The following TULP2 variants were observed in gnomAD, a reference collection of about 807,000 sequenced individuals.
The protein encoded by TULP2 is TUB like protein 2.
A neutral mutation model predicts 60.3 loss-of-function variants in TULP2; 64 were observed. The ratio of observed to expected loss-of-function variants is 1.06; its 90% confidence interval spans 0.87 to 1.31. TULP2 has a LOEUF of 1.31. Ranked by LOEUF, TULP2 falls within the 50% of genes most tolerant of loss-of-function variation. The pLI is 0.00. For synonymous variants in TULP2, 267 were observed against 265.4 expected (o/e 1.01, Z -0.06); for missense variants, 652 against 667.0 (o/e 0.98, Z 0.25).
At chr19:48,890,380 T>C (rs1319318681) in intron 6 of TULP2, among the ~76,000 whole-genome samples, 1 of 152,108 alleles carries the variant, frequency 6.6e-6, no homozygotes, top group Non-Finnish European at 1.5e-5. Context: ...CACTATTGTC[T>C]TGTGACCCTG....
rs538703838 is a variant in TULP2 at position 48,887,168 on chromosome 19, C to T, written c.948+782G>A. 1.0e-3 allele frequency among the ~76,000 whole-genome samples: 157 copies of T among 151,448 alleles called. 1 individual carries two copies. Among genetic ancestry groups the T allele is most frequent in the Non-Finnish European group, 4.0e-4 (27 of 67,844 alleles). ...CTGGGATTACAGGCGCCCACAACCACGCCTGGCTAACTTTTGTATTTTTTA... is the reference window on the plus strand; with the variant it reads ...CTGGGATTACAGGCGCCCACAACCATGCCTGGCTAACTTTTGTATTTTTTA... On this transcript the variant is annotated intron_variant, in intron 8 of 12. Coordinates refer to ENST00000221399, the MANE Select transcript of TULP2 (RefSeq NM_003323.3).
chr19:48,889,526 T>C lies in TULP2; in HGVS notation c.620A>G (p.Asn207Ser). The change falls in exon 7 of 13, where the codon AAC (asparagine) becomes AGC (serine). Residue 207 changes from asparagine to serine, a missense_variant. By Grantham distance (46) the Asn-to-Ser change is conservative. Transcript: ENST00000221399. ...TTTTCCTACCTTTTGGAAGGCCAAG[T>C]TTTCATATACACAGTCACCATCCAT... ...PGMDGDCVYE[N>S]LAFQKEEDLE... The C allele has an allele frequency of 6.4e-7, 1 of 1,572,500 alleles. No homozygotes were observed.
In TULP2 at chr19:48,882,222, G is replaced by A. The variant is rs79673670; in HGVS notation, c.1276-19C>T. The A allele has an allele frequency of 7.3e-4, 1,184 of 1,613,680 alleles. 9 individuals are homozygous for A. The African/African-American group carries it at 0.011, about 14-fold the overall frequency. ...CCTGTTCCTAGAAGGTAAAGAAGGG[G>A]CTGTGGTTTTCTCAGAGGCTTTCGA... On this transcript the variant is annotated intron_variant, in intron 11 of 12. Transcript: ENST00000221399.
chr19:48,881,890 A>G, intron 12 of TULP2, 142 bp downstream of exon 12: 1 of 1,095,346 alleles, frequency 9.1e-7, no homozygotes, highest in Non-Finnish European at 1.3e-6. Flanking sequence ...GTAAACTACA[A>G]TTCCCAATAG....
rs771046112 is a variant in TULP2, at chr19:48,883,912, C to T, written c.1176+20G>A. ...TCTTCTGACTATCCTACCCCATTCT[C>T]TCATCCCCAGGACACTCACATAACA... On this transcript the variant is annotated intron_variant, in intron 10 of 12. Transcript: ENST00000221399. 6.2e-7 allele frequency: 1 copy of T among 1,613,940 alleles called. No individual in the cohort carries two copies.
In TULP2 at chr19:48,897,977, T is replaced by G. The variant is rs1017938622; in HGVS notation, c.-1-108A>C. The G allele has an allele frequency of 4.0e-5, 35 of 867,260 alleles. 1 individual carries two copies. The highest frequency in any genetic ancestry group is 1.3e-4 in the South Asian group (4 of 29,874). The allele number at this position is 867,260 out of a possible 1,614,324, so 53.7% of individuals were successfully genotyped here. ...TTTATTTATTTATTTATTTATTTAT[T>G]TATGTATTTAGAGACAGCTGAGCCT... On this transcript the variant is annotated intron_variant, in intron 1 of 12. Coordinates refer to ENST00000221399, the MANE Select transcript of TULP2 (RefSeq NM_003323.3). This position sits in a 1 kb window ranked among gnomAD's most constrained non-coding sequence, Gnocchi z 4.0.
chr19:48,887,533 A>T (rs1178015137), intron 8 of TULP2, among the ~76,000 whole-genome samples: 1 of 150,970 alleles, frequency 6.6e-6, no homozygotes, highest in Non-Finnish European at 1.5e-5. Context: ...CATGTTGTTC[A>T]GGCTGGTCTT....
chr19:48,896,245 C>G (rs984165481), intron 4 of TULP2, among the ~76,000 whole-genome samples, 185 bp downstream of exon 4: 2 of 152,114 alleles, frequency 1.3e-5, no homozygotes, highest in African/African-American at 4.8e-5. Context: ...CCGCGGGGGG[C>G]CCCCACAAGC....
intron 6 of TULP2, among the ~76,000 whole-genome samples, 181 bp from the exon 7 acceptor site, chr19:48,889,812 T>C (rs899825574): frequency 5.9e-5 from 9 of 152,118 alleles, no homozygotes; most frequent in Admixed American, 2.6e-4. Context: ...CCACTCAGGG[T>C]TAAATGGATT....
intron 7 of TULP2, among the ~76,000 whole-genome samples, chr19:48,888,990 A>ATTT (rs1207924162): frequency 1.7e-5 from 2 of 118,596 alleles, no homozygotes; most frequent in Admixed American, 9.0e-5. Context: ...GGCTGCACCT[A>ATTT]TTTTTTTTTT....
In TULP2 at chr19:48,894,978, C is replaced by T; in HGVS notation, c.514+20G>A. On this transcript the variant is annotated intron_variant, in intron 6 of 12. Coordinates refer to ENST00000221399, the MANE Select transcript of TULP2 (RefSeq NM_003323.3). Reference sequence around the variant, plus strand: ...TGAACCAGGAGATCCCAGGTTTCACCCCAATGTCCCCTAAATTACCAGGTC... The same window carrying T: ...TGAACCAGGAGATCCCAGGTTTCACTCCAATGTCCCCTAAATTACCAGGTC... 1 of 1,601,772 alleles carries T rather than the reference C, an allele frequency of 6.2e-7. No individual in the cohort carries two copies. Among genetic ancestry groups the T allele is most frequent in the African/African-American group, 1.3e-5 (1 of 74,402 alleles).
intron 8 of TULP2, among the ~76,000 whole-genome samples, chr19:48,886,641 T>C (rs1005005303): frequency 6.6e-6 from 1 of 151,528 alleles, no homozygotes; most frequent in African/African-American, 2.4e-5. Flanking sequence ...TTGAGAGAAG[T>C]GGGGCTTGGA....
Position 48,894,236 on chromosome 19 carries a change from T to C in TULP2, c.514+762A>G, listed in dbSNP as rs571912848. On this transcript the variant is annotated intron_variant, in intron 6 of 12. Coordinates refer to ENST00000221399, the MANE Select transcript of TULP2 (RefSeq NM_003323.3). The stretch of plus-strand genomic sequence containing the variant: ...TTAGTAGAGACATGGTTTCGTCACG[T>C]TGGCCAGGCTCGTCTCAAATTCCTG... Among the ~76,000 whole-genome samples the C allele has an allele frequency of 3.3e-5, 5 of 152,120 alleles. No homozygotes were observed. The East Asian group carries it at 9.7e-4, about 30-fold the overall frequency.
chr19:48,889,927 C>T (rs576224687), intron 6 of TULP2, among the ~76,000 whole-genome samples: 9 of 147,270 alleles, frequency 6.1e-5, no homozygotes, highest in African/African-American at 1.5e-4. Flanking sequence ...ACACAAACAC[C>T]GCGGAAGGGC....
chr19:48,889,030 G>T (rs1262808601), intron 7 of TULP2, among the ~76,000 whole-genome samples: 1 of 150,042 alleles, frequency 6.7e-6, no homozygotes, highest in Non-Finnish European at 1.5e-5. Context: ...TGTCTCCCGG[G>T]CTGGAGTGCA....
Position 48,888,239 on chromosome 19 carries a change from C to T in TULP2, c.659G>A (p.Arg220Lys). Residue 220 changes from arginine to lysine, a missense_variant, in exon 8 of 13, where the codon AGA (arginine) becomes AAA (lysine). Arg to Lys is a conservative substitution (Grantham distance 26, BLOSUM62 2). Transcript: ENST00000221399. Reference protein sequence around the residue: ...FQKEEDLEKKREASESTGTNS... With the variant: ...FQKEEDLEKKKEASESTGTNS... ...CGTCCCTGTAGACTCAGAGGCCTCT[C>T]TCTTCTTTTCCAAGTCTTCTTCCTA... The T allele has an allele frequency of 6.3e-7, 1 of 1,593,922 alleles. No homozygotes were observed. The highest frequency in any genetic ancestry group is 1.1e-5 in the South Asian group (1 of 90,168).
At chr19:48,886,035 A>G (rs994455299) in intron 8 of TULP2, among the ~76,000 whole-genome samples, 6 of 149,848 alleles carry the variant, frequency 4.0e-5, no homozygotes, top group Non-Finnish European at 5.9e-5. Flanking sequence ...GGCCGGGCAC[A>G]GTGGCTCATG....
intron 8 of TULP2, among the ~76,000 whole-genome samples, chr19:48,885,857 C>T (rs891366810): frequency 6.6e-6 from 1 of 151,724 alleles, no homozygotes; most frequent in Non-Finnish European, 1.5e-5. Context: ...TGCACTCCAG[C>T]CTGGGCAATA....
chr19:48,889,442 C>G, intron 7 of TULP2, 68 bp downstream of exon 7: 3 of 1,508,266 alleles, frequency 2.0e-6, no homozygotes, highest in Non-Finnish European at 2.7e-6. Context: ...ATTTTAGCCC[C>G]ACCCTCACCA....
Sources: gnomAD v4.1 joint callset for allele counts (sites outside exome capture counted in the v4.1 genomes callset) on GRCh38, gnomAD v4.1.1 for gene constraint, Gnocchi (gnomAD v3.1) non-coding constraint, MANE v1.5 for transcripts, NCBI Gene and HGNC (gene_info 2026-07-23, HGNC 2026-07-21) for gene names.